Variants in MCTP1 observed in about 807,000 individuals in gnomAD.
MCTP1 encodes the protein multiple C2 and transmembrane domain containing 1, also known as multiple C2 and transmembrane domain-containing protein 1.
In MCTP1, 69 loss-of-function variants were observed where a neutral mutation model predicts 120.6. That is an observed-to-expected ratio of 0.57 (90% CI 0.47 to 0.70). MCTP1 has a LOEUF of 0.70. Among genes scored for constraint, MCTP1 ranks in the 30% least tolerant of loss-of-function variants. The pLI is 0.00. For synonymous variants in MCTP1, 529 were observed against 493.1 expected, an observed-to-expected ratio of 1.07 and a Z score of -0.96; for missense variants, 1,203 against 1,248.8, an observed-to-expected ratio of 0.96 and a Z score of 0.55.
intron 19 of MCTP1, among the ~76,000 whole-genome samples, chr5:94,774,261 T>TC (rs1160449445): frequency 7.7e-6 from 1 of 129,588 alleles, no homozygotes; most frequent in Non-Finnish European, 1.6e-5. Flanking sequence ...AAATAGGTGG[T>TC]CCCATGACTA....
intron 1 of MCTP1, among the ~76,000 whole-genome samples, chr5:95,082,826 A>G (rs546880177): frequency 6.6e-6 from 1 of 152,286 alleles, no homozygotes; most frequent in East Asian, 1.9e-4. Flanking sequence ...ATTGAATAGC[A>G]TAGGCCTAGG....
chr5:94,769,833 G>A (rs922383052), intron 19 of MCTP1, among the ~76,000 whole-genome samples: 1 of 152,132 alleles, frequency 6.6e-6, no homozygotes, highest in Non-Finnish European at 1.5e-5. Context: ...AGATGCCACT[G>A]GATATAGTTC....
In MCTP1 at chr5:95,281,240, G is replaced by A. The variant is rs567635570; in HGVS notation, c.720+2616C>T. 6.6e-5 allele frequency among the ~76,000 whole-genome samples: 10 copies of A among 152,300 alleles called. No individual in the cohort carries two copies. In the East Asian group the frequency reaches 1.9e-3, roughly 29 times the overall value. On this transcript the variant is annotated intron_variant, in intron 1 of 22. Transcript: ENST00000515393. ...ACTTTGGAGATGAGCTGCTGAGAGA[G>A]TAAGGAAAGATCTCTGAGATATTCA...
intron 1 of MCTP1, among the ~76,000 whole-genome samples, chr5:95,075,852 T>C (rs1162221657): frequency 1.3e-5 from 2 of 152,258 alleles, no homozygotes; most frequent in Non-Finnish European, 2.9e-5. Context: ...GGAATTGTTA[T>C]ATAGCTTTCA....
At chr5:94,831,479 A>T (rs1437239525) in intron 17 of MCTP1, among the ~76,000 whole-genome samples, 2 of 152,216 alleles carry the variant, frequency 1.3e-5, no homozygotes, top group African/African-American at 4.8e-5. Flanking sequence ...TTTTTATAAG[A>T]TCCTTGTGCA....
At chr5:94,849,912 T>C (rs1336045182) in intron 17 of MCTP1, among the ~76,000 whole-genome samples, 1 of 152,174 alleles carries the variant, frequency 6.6e-6, no homozygotes, top group Non-Finnish European at 1.5e-5. Context: ...TGAATATAAC[T>C]AGTCACAAAA....
At chr5:95,046,593 C>G (rs188563065) in intron 1 of MCTP1, among the ~76,000 whole-genome samples, 1 of 152,112 alleles carries the variant, frequency 6.6e-6, no homozygotes, top group Non-Finnish European at 1.5e-5. Flanking sequence ...CCATTTTCAC[C>G]TTTCAACATC....
chr5:94,877,528 G>T (rs774780183), intron 12 of MCTP1: 37 of 152,010 alleles, frequency 2.4e-4, no homozygotes, highest in Non-Finnish European at 4.4e-4. Context: ...GGGGTGAAAA[G>T]CCATTTCTAC....
At chr5:94,844,821 T>A (rs1791951170) in intron 17 of MCTP1, among the ~76,000 whole-genome samples, 1 of 152,216 alleles carries the variant, frequency 6.6e-6, no homozygotes, top group Admixed American at 6.5e-5. Flanking sequence ...TTTGAGACTG[T>A]CTCCTTCTCT....
chr5:95,044,830 G>A (rs187140596), intron 1 of MCTP1, among the ~76,000 whole-genome samples: 47 of 150,472 alleles, frequency 3.1e-4, no homozygotes, highest in African/African-American at 9.2e-4. Context: ...CCCCTAGTCC[G>A]AGCCCCCGTC....
chr5:95,147,563 C>T (rs529487785), intron 1 of MCTP1, among the ~76,000 whole-genome samples: 11 of 152,176 alleles, frequency 7.2e-5, no homozygotes, highest in Admixed American at 2.6e-4. Flanking sequence ...AGATCTTTCT[C>T]CATCTCATTA....
At chr5:94,942,708 A>C (rs985222637) in intron 3 of MCTP1, among the ~76,000 whole-genome samples, 10 of 152,078 alleles carry the variant, frequency 6.6e-5, no homozygotes, top group Non-Finnish European at 4.4e-5. Flanking sequence ...ATCTTCAAAA[A>C]TGTGGGAAAA....
chr5:94,768,431 G>T (rs1261073749), intron 19 of MCTP1, among the ~76,000 whole-genome samples: 1 of 152,008 alleles, frequency 6.6e-6, no homozygotes, highest in Non-Finnish European at 1.5e-5. Flanking sequence ...AACAGCTTCT[G>T]CACAGCAAAG....
intron 1 of MCTP1, among the ~76,000 whole-genome samples, chr5:95,126,359 A>T (rs953190359): frequency 1.3e-5 from 2 of 152,224 alleles, no homozygotes; most frequent in Non-Finnish European, 2.9e-5. Flanking sequence ...GGCTCATATT[A>T]AAGAAATGAA....
chr5:95,069,445 A>AT (rs35164631), intron 1 of MCTP1, among the ~76,000 whole-genome samples: 100,185 of 146,560 alleles, frequency 0.68, 36,714 homozygotes, highest in Non-Finnish European at 0.83. Flanking sequence ...GGAGCATAGC[A>AT]TTTTTTTTTT....
intron 1 of MCTP1, among the ~76,000 whole-genome samples, chr5:95,188,092 G>T (rs1162586401): frequency 2.0e-5 from 3 of 151,890 alleles, no homozygotes; most frequent in African/African-American, 7.3e-5. Context: ...ACAGAAAATG[G>T]ACAAAAGACA....
rs762503892 is a variant in MCTP1 at position 94,708,632 on chromosome 5, CAAAG to C, written c.2831-27_2831-24del. ...TGCCTGAAACAAAGTTGGAGTTAAACAAAGCACATTTCTGACAAAAGTGTTGTAG... is the reference window on the plus strand; with the variant it reads ...TGCCTGAAACAAAGTTGGAGTTAAACCACATTTCTGACAAAAGTGTTGTAG... On this transcript the variant is annotated intron_variant, in intron 21 of 22. Transcript: ENST00000515393. The C allele has an allele frequency of 3.3e-5, 47 of 1,432,190 alleles. No homozygotes were observed. The African/African-American group carries it at 6.5e-4, about 20-fold the overall frequency. 88.7% of individuals were successfully genotyped at this position (1,432,190 alleles called of 1,614,324 possible).
Position 95,192,140 on chromosome 5 carries a change from A to AT in MCTP1, c.720+91715dup, listed in dbSNP as rs200244893. On this transcript the variant is annotated intron_variant, in intron 1 of 22. Transcript: ENST00000515393. Reference sequence around the variant, plus strand: ...TGCACAGAAAGAGTATTCCCAAGGGATAAAAAAAAGTTTTTCACATTAACT... The same window carrying AT: ...TGCACAGAAAGAGTATTCCCAAGGGATTAAAAAAAAGTTTTTCACATTAACT... Among the ~76,000 whole-genome samples the AT allele has an allele frequency of 7.3e-3, 1,107 of 152,160 alleles. 9 individuals carry two copies. The highest frequency in any genetic ancestry group is 0.026 in the African/African-American group (1,074 of 41,552).
chr5:95,093,684 G>A (rs1360336543), intron 1 of MCTP1, among the ~76,000 whole-genome samples: 1 of 152,132 alleles, frequency 6.6e-6, no homozygotes, highest in East Asian at 1.9e-4. Context: ...CCAAAGAAAG[G>A]GAGTCCTCAA....
Sources: allele counts gnomAD v4.1 joint callset (sites outside exome capture counted in the v4.1 genomes callset), GRCh38; gene constraint gnomAD v4.1.1; transcripts MANE v1.5; gene names NCBI Gene and HGNC (gene_info 2026-07-23, HGNC 2026-07-21).